C11orf65: variants seen among roughly 807,000 people sequenced by gnomAD.
C11orf65 encodes protein MFI.
A neutral mutation model predicts 35.3 loss-of-function variants in C11orf65; 38 were observed. That is an observed-to-expected ratio of 1.08 (90% confidence interval 0.83 to 1.41). The LOEUF (loss-of-function observed/expected upper bound fraction) is 1.41, where lower values mean the gene tolerates loss of function less well. Among genes scored for constraint, C11orf65 ranks in the 40% most tolerant of loss-of-function variants. The pLI is 0.00. For synonymous variants in C11orf65, 105 were observed against 114.4 expected, an observed-to-expected ratio of 0.92 and a Z score of 0.53; for missense variants, 370 against 367.1, an observed-to-expected ratio of 1.01 and a Z score of -0.06.
chr11:108,365,503 G>T lies in C11orf65; in HGVS notation c.226+27705C>A, dbSNP rs371767164. On this transcript the variant is annotated intron_variant, in intron 2 of 3. Coordinates refer to the C11orf65 transcript ENST00000524755. ...ACTTTTCCCAGGATGGAAAGCTTGG[G>T]TGTGATCTTCAGTATATGAATTACC... The T allele has an allele frequency of 3.1e-6, 5 of 1,613,954 alleles. No individual in the cohort carries two copies. Among genetic ancestry groups the T allele is most frequent in the Non-Finnish European group, 4.2e-6 (5 of 1,179,990 alleles).
chr11:108,316,571 A>G (rs761043192), intron 6 of C11orf65, among the ~76,000 whole-genome samples: 1 of 151,980 alleles, frequency 6.6e-6, no homozygotes, highest in South Asian at 2.1e-4. Context: ...TTTGAGCTCT[A>G]TTTTTGTGTT....
chr11:108,464,277 G>T (rs2093506490), intron 1 of C11orf65, among the ~76,000 whole-genome samples: 1 of 151,992 alleles, frequency 6.6e-6, no homozygotes. Context: ...TATGACAAAA[G>T]GTATGCACAT....
At chr11:108,346,448 C>T (rs1002781966) in intron 2 of C11orf65, 1 of 151,314 alleles carries the variant, frequency 6.6e-6, no homozygotes, top group African/African-American at 2.4e-5. Context: ...TAACAAAATC[C>T]TAGAGTATGA....
downstream of C11orf65, among the ~76,000 whole-genome samples, chr11:108,379,641 AT>A (rs1011301603): frequency 2.6e-5 from 4 of 151,584 alleles, no homozygotes; most frequent in African/African-American, 9.7e-5. Context: ...ATAAAATAAA[AT>A]TAAAAAAAAA....
downstream of C11orf65, chr11:108,329,044 T>C (rs760534895): frequency 6.2e-7 from 1 of 1,614,126 alleles, no homozygotes; most frequent in Non-Finnish European, 8.5e-7. Context: ...CTGGAAATTA[T>C]GATGGAGAAA....
chr11:108,443,398 C>A (rs892054612), intron 2 of C11orf65, among the ~76,000 whole-genome samples: 2 of 152,122 alleles, frequency 1.3e-5, no homozygotes, highest in African/African-American at 4.8e-5. Context: ...ACCCCACTGT[C>A]AACATGAGAC....
At chr11:108,355,272 A>C in intron 2 of C11orf65, 1 of 233,548 alleles carries the variant, frequency 4.3e-6, no homozygotes. Context: ...TGGAGATCAA[A>C]TTGTCAGCAT....
At chr11:108,390,225 C>T (rs1478680790) in intron 7 of C11orf65, among the ~76,000 whole-genome samples, 1 of 150,122 alleles carries the variant, frequency 6.7e-6, no homozygotes, top group South Asian at 2.1e-4. Flanking sequence ...GGGGTTTCAC[C>T]GTGTTAGCCA....
At chr11:108,448,328 C>G (rs1041414371) in intron 2 of C11orf65, among the ~76,000 whole-genome samples, 1 of 152,066 alleles carries the variant, frequency 6.6e-6, no homozygotes, top group Non-Finnish European at 1.5e-5. Context: ...AGAGACACAA[C>G]CGAAAAAGAG....
intron 2 of C11orf65, among the ~76,000 whole-genome samples, chr11:108,375,920 C>A (rs1262054879): frequency 6.6e-6 from 1 of 152,182 alleles, no homozygotes; most frequent in African/African-American, 2.4e-5. Flanking sequence ...GGGATCAATT[C>A]AACAAGAAGA....
At chr11:108,423,131 C>T (rs901529188) in intron 3 of C11orf65, among the ~76,000 whole-genome samples, 1 of 152,158 alleles carries the variant, frequency 6.6e-6, no homozygotes. Flanking sequence ...CAACAGGGCC[C>T]TGGGTTTCAA....
chr11:108,344,171 G>A (rs2087977638), intron 2 of C11orf65, among the ~76,000 whole-genome samples: 2 of 152,172 alleles, frequency 1.3e-5, no homozygotes, highest in South Asian at 4.1e-4. Context: ...TGCTATAGGT[G>A]TTGTGATGGA....
chr11:108,443,374 T>C (rs142756186), intron 2 of C11orf65, among the ~76,000 whole-genome samples: 1,749 of 152,204 alleles, frequency 0.011, 37 homozygotes, highest in African/African-American at 0.04. Context: ...ACAATAATAA[T>C]AGGAGACTTT....
At chr11:108,436,329 G>A (rs1015084796) in intron 2 of C11orf65, among the ~76,000 whole-genome samples, 1 of 150,860 alleles carries the variant, frequency 6.6e-6, no homozygotes, top group African/African-American at 2.5e-5. Context: ...CTAACTTTGT[G>A]GCAATTTTTA....
intron 2 of C11orf65, among the ~76,000 whole-genome samples, chr11:108,441,353 T>C (rs11212638): frequency 0.41 from 62,152 of 152,088 alleles, 13,072 homozygotes; most frequent in Middle Eastern, 0.66. Context: ...CCACCAACAG[T>C]TCAAGGAGGC....
chr11:108,370,616 TG>T lies in C11orf65; in HGVS notation c.226+22591del, dbSNP rs372958344. Among the ~76,000 whole-genome samples, 109 of 150,430 alleles carry T rather than the reference TG, an allele frequency of 7.2e-4. 1 individual carries two copies. The highest frequency in any genetic ancestry group is 1.1e-3 in the Admixed American group (17 of 15,164). On this transcript the variant is annotated intron_variant, in intron 2 of 3. Coordinates refer to the C11orf65 transcript ENST00000524755. ...AAATTTACTGTTTGCTGCAGGGTTT[TG>T]TTTTGTTTTTTTTTAATGTGTGTAT...
chr11:108,464,215 T>C (rs1380171181), intron 1 of C11orf65, among the ~76,000 whole-genome samples: 1 of 151,648 alleles, frequency 6.6e-6, no homozygotes, highest in Admixed American at 6.6e-5. Context: ...GCATAAGCCA[T>C]TGCGCTCAGC....
exon 7 of C11orf65, chr11:108,309,053 A>G (rs1248756768): frequency 2.0e-6 from 3 of 1,510,514 alleles, no homozygotes; most frequent in African/African-American, 1.4e-5. Flanking sequence ...AATGCTGAAT[A>G]AGATCCTGAA....
At position 108,321,345 on chromosome 11, in the gene C11orf65, T is replaced by C. The variant is rs1232551114; in HGVS notation, c.641-12274A>G. ...ATGTGTAAGCGCAGCCTTGAGTCTG[T>C]GTATTCGCTCTATCCCACACTTAGC... is the stretch of plus-strand genomic sequence containing the variant. On this transcript the variant is annotated intron_variant, in intron 6 of 6. Coordinates refer to the C11orf65 transcript ENST00000525729. 46 of 1,614,034 alleles carry C rather than the reference T, an allele frequency of 2.9e-5. No individual in the cohort carries two copies. The East Asian group carries it at 3.6e-4, about 13-fold the overall frequency.
Sources: allele counts gnomAD v4.1 joint callset (sites outside exome capture counted in the v4.1 genomes callset), GRCh38; gene constraint gnomAD v4.1.1; transcripts MANE v1.5; gene names NCBI Gene and HGNC (gene_info 2026-07-23, HGNC 2026-07-21).